SYT1: variants seen among roughly 807,000 people sequenced by gnomAD.
SYT1 encodes the protein synaptotagmin-1.
A neutral mutation model predicts 44.8 loss-of-function variants in SYT1; 8 were observed. The observed-to-expected ratio is 0.18, with a 90% confidence interval of 0.10 to 0.32. The LOEUF (loss-of-function observed/expected upper bound fraction) is 0.32. Ranked by LOEUF, SYT1 falls within the 10% of genes least tolerant of loss-of-function variation. SYT1 has a pLI of 1.00. For synonymous variants in SYT1, 154 were observed against 188.8 expected, an observed-to-expected ratio of 0.82 and a Z score of 1.51; for missense variants, 286 against 509.3, an observed-to-expected ratio of 0.56 and a Z score of 4.22.
intron 4 of SYT1, among the ~76,000 whole-genome samples, chr12:79,241,886 C>T (rs1876535703): frequency 6.6e-6 from 1 of 152,012 alleles, no homozygotes; most frequent in African/African-American, 2.4e-5. Context: ...AGAGAAGAGA[C>T]CAGCGTCCTT....
chr12:79,330,974 G>A (rs74588536), intron 8 of SYT1, among the ~76,000 whole-genome samples: 1,942 of 152,188 alleles, frequency 0.013, 38 homozygotes, highest in African/African-American at 0.044. Flanking sequence ...TTAACTTCCA[G>A]TCCATTTTCG....
At chr12:79,373,308 A>C (rs1883866515) in intron 9 of SYT1, among the ~76,000 whole-genome samples, 2 of 152,196 alleles carry the variant, frequency 1.3e-5, no homozygotes, top group South Asian at 4.1e-4. Context: ...ATTCCTCTTT[A>C]TACATTTACT....
At chr12:79,397,078 A>C (rs891900536) in intron 9 of SYT1, among the ~76,000 whole-genome samples, 10 of 152,332 alleles carry the variant, frequency 6.6e-5, no homozygotes, top group South Asian at 2.1e-4. Context: ...AATATCCAGG[A>C]AGCTGGAATG....
At chr12:79,401,515 A>G (rs1885065120) in intron 9 of SYT1, among the ~76,000 whole-genome samples, 1 of 152,192 alleles carries the variant, frequency 6.6e-6, no homozygotes, top group South Asian at 2.1e-4. Flanking sequence ...GGCCCCTTCT[A>G]CTTTGGAACA....
chr12:79,181,961 C>T (rs867968415), intron 3 of SYT1, among the ~76,000 whole-genome samples: 6 of 151,972 alleles, frequency 3.9e-5, no homozygotes, highest in Non-Finnish European at 8.8e-5. Flanking sequence ...AAGTCATCTC[C>T]GTTTTAATTT....
chr12:79,143,769 C>T (rs1869710164), intron 3 of SYT1, among the ~76,000 whole-genome samples: 1 of 152,086 alleles, frequency 6.6e-6, no homozygotes, highest in African/African-American at 2.4e-5. Flanking sequence ...CCTCTACTTC[C>T]CCCCTTAAAA....
intron 1 of SYT1, among the ~76,000 whole-genome samples, chr12:78,914,505 T>TTACA (rs1555180097): frequency 3.4e-5 from 2 of 58,310 alleles, no homozygotes; most frequent in Admixed American, 1.9e-4. Flanking sequence ...GATGCACATG[T>TTACA]TAGATAGATA....
Position 79,041,009 on chromosome 12 carries a change from C to A in SYT1, c.-83-6288C>A, listed in dbSNP as rs977770661. On this transcript the variant is annotated intron_variant, in intron 2 of 10. Transcript: ENST00000261205. The stretch of plus-strand genomic sequence containing the variant: ...TCTCTGTTTTGGTACCAGTACCCTG[C>A]TGTTTTGGTTACTGTAGCCTTGTAG... Among the ~76,000 whole-genome samples the A allele has an allele frequency of 2.6e-4, 40 of 152,072 alleles. 1 individual carries two copies. Among genetic ancestry groups the A allele is most frequent in the Non-Finnish European group, 7.3e-5 (5 of 68,040 alleles).
intron 4 of SYT1, among the ~76,000 whole-genome samples, chr12:79,250,686 G>T (rs756273335): frequency 2.6e-5 from 4 of 152,164 alleles, no homozygotes; most frequent in Non-Finnish European, 4.4e-5. Flanking sequence ...GATGATCTAT[G>T]AATTGTATTT....
intron 2 of SYT1, among the ~76,000 whole-genome samples, chr12:79,044,847 G>C (rs1288866695): frequency 6.6e-6 from 1 of 151,902 alleles, no homozygotes; most frequent in East Asian, 1.9e-4. Flanking sequence ...CCTTCTAACA[G>C]ACAGGACCCT....
At chr12:79,349,057 G>GAAAGAAA (rs1565920012) in intron 8 of SYT1, among the ~76,000 whole-genome samples, 2 of 134,906 alleles carry the variant, frequency 1.5e-5, no homozygotes, top group African/African-American at 2.9e-5. Context: ...AAGAAAGAAA[G>GAAAGAAA]GAGGGAGGGA....
intron 9 of SYT1, chr12:79,392,422 A>C (rs1301711300): frequency 6.6e-6 from 1 of 152,204 alleles, no homozygotes; most frequent in Non-Finnish European, 1.5e-5. Context: ...ATACCCAATA[A>C]TACAGATTGT....
intron 1 of SYT1, among the ~76,000 whole-genome samples, chr12:78,874,778 G>T (rs1873982017): frequency 6.6e-6 from 1 of 151,484 alleles, no homozygotes; most frequent in African/African-American, 2.4e-5. Flanking sequence ...TCCTACCACT[G>T]TACCACTAGT....
chr12:78,899,236 G>T (rs373605382), intron 1 of SYT1, among the ~76,000 whole-genome samples: 36 of 152,066 alleles, frequency 2.4e-4, no homozygotes, highest in African/African-American at 8.2e-4. Flanking sequence ...TGTTTTTAGT[G>T]TAGGGAACTT....
At chr12:79,008,392 T>C (rs1871220619) in intron 2 of SYT1, among the ~76,000 whole-genome samples, 1 of 152,114 alleles carries the variant, frequency 6.6e-6, no homozygotes, top group Non-Finnish European at 1.5e-5. Flanking sequence ...CCATGACAAG[T>C]GGTCGGACTT....
intron 9 of SYT1, among the ~76,000 whole-genome samples, chr12:79,361,789 G>T (rs1403725121): frequency 6.6e-6 from 1 of 152,178 alleles, no homozygotes; most frequent in African/African-American, 2.4e-5. Flanking sequence ...CAGAAGAGAG[G>T]TTGCCGAACA....
At chr12:79,308,612 A>AAGAAAAAGAAAGAAAGAAAGAAAG (rs1462021152) in intron 8 of SYT1, among the ~76,000 whole-genome samples, 3 of 134,318 alleles carry the variant, frequency 2.2e-5, no homozygotes, top group African/African-American at 8.5e-5. Flanking sequence ...GAAAGAAAGA[A>AAGAAAAAGAAAGAAAGAAAGAAAG]AAAGAAAGAA....
At chr12:79,426,041 T>G (rs1869426224) in intron 9 of SYT1, among the ~76,000 whole-genome samples, 1 of 151,872 alleles carries the variant, frequency 6.6e-6, no homozygotes, top group Non-Finnish European at 1.5e-5. Context: ...TAAAAAGTTG[T>G]GAGTTGTTTG....
chr12:79,128,416 A>C, intron 3 of SYT1, among the ~76,000 whole-genome samples: 1 of 152,182 alleles, frequency 6.6e-6, no homozygotes, highest in Non-Finnish European at 1.5e-5. Context: ...ACAGATAGAT[A>C]GATGATAGAT....
Sources: allele counts gnomAD v4.1 joint callset (sites outside exome capture counted in the v4.1 genomes callset), GRCh38; gene constraint gnomAD v4.1.1; transcripts MANE v1.5; gene names NCBI Gene and HGNC (gene_info 2026-07-23, HGNC 2026-07-21).